MAGI1: variants seen among roughly 807,000 people sequenced by gnomAD.
The protein encoded by MAGI1 is membrane associated guanylate kinase, WW and PDZ domain containing 1.
Under a neutral mutation model 139.9 loss-of-function variants are expected in MAGI1, and 58 were observed. The observed-to-expected ratio is 0.41, with a 90% CI of 0.34 to 0.52. The LOEUF is 0.52. Ranked by LOEUF, MAGI1 falls within the 20% of genes least tolerant of loss-of-function variation. The pLI, the probability that MAGI1 is intolerant of heterozygous loss-of-function variation, is 0.12. For synonymous variants in MAGI1, 812 were observed against 737.9 expected (o/e 1.10, Z -1.63); for missense variants, 1,874 against 1,901.6 (o/e 0.99, Z 0.27).
intron 1 of MAGI1, chr3:65,874,751 C>G (rs1488329943): frequency 6.6e-6 from 1 of 152,182 alleles, no homozygotes; most frequent in Admixed American, 6.5e-5. Context: ...ATTCCATTCC[C>G]AGGTATGTAC....
chr3:65,493,386 T>C, intron 3 of MAGI1, 126 bp downstream of exon 3: 1 of 1,040,692 alleles, frequency 9.6e-7, no homozygotes, highest in Non-Finnish European at 1.4e-6. Flanking sequence ...CATATTAAGG[T>C]GAACTGAAAT....
intron 1 of MAGI1, among the ~76,000 whole-genome samples, chr3:65,934,735 T>C (rs1207779335): frequency 1.3e-5 from 2 of 151,644 alleles, no homozygotes; most frequent in African/African-American, 4.8e-5. Context: ...CATTTAATGG[T>C]GCCAGATTGT....
intron 1 of MAGI1, among the ~76,000 whole-genome samples, chr3:66,010,067 C>T (rs1467665977): frequency 1.1e-5 from 1 of 90,732 alleles, no homozygotes; most frequent in Non-Finnish European, 2.0e-5. Context: ...CAAAGTGATA[C>T]TCTCTGTCTC....
intron 12 of MAGI1, among the ~76,000 whole-genome samples, chr3:65,413,944 A>T (rs1056675860): frequency 3.9e-5 from 6 of 152,164 alleles, no homozygotes; most frequent in African/African-American, 1.4e-4. Flanking sequence ...ATGGCAGGGA[A>T]GAGTAAGTAC....
intron 6 of MAGI1, among the ~76,000 whole-genome samples, chr3:65,450,339 G>A (rs1559563703): frequency 6.6e-6 from 1 of 152,120 alleles, no homozygotes. Context: ...TATGGGAGAT[G>A]AGCATGATCC....
Position 65,979,837 on chromosome 3 carries a change from A to G in MAGI1, c.313+58159T>C, listed in dbSNP as rs139156046. Among the ~76,000 whole-genome samples the G allele has an allele frequency of 2.4e-3, 359 of 152,312 alleles. 1 individual carries two copies. Among genetic ancestry groups the G allele is most frequent in the African/African-American group, 8.2e-3 (340 of 41,556 alleles). On this transcript the variant is annotated intron_variant, in intron 1 of 22. Transcript: ENST00000402939. ...CCAGGCCAAGAGACCAAAAATTCAGAATCAGTCTTCTCAATAAACTGTGAG... is the reference window on the plus strand; with the variant it reads ...CCAGGCCAAGAGACCAAAAATTCAGGATCAGTCTTCTCAATAAACTGTGAG...
At chr3:65,946,837 A>C (rs183972236) in intron 1 of MAGI1, among the ~76,000 whole-genome samples, 116 of 152,340 alleles carry the variant, frequency 7.6e-4, no homozygotes, top group Middle Eastern at 6.8e-3. Context: ...CAGAGTAAGA[A>C]AATATAGGAA....
At chr3:65,980,180 T>C (rs766665135) in intron 1 of MAGI1, among the ~76,000 whole-genome samples, 2 of 152,194 alleles carry the variant, frequency 1.3e-5, no homozygotes, top group East Asian at 1.9e-4. Flanking sequence ...TGCCCCTTAT[T>C]AGCTGTGTGA....
intron 1 of MAGI1, among the ~76,000 whole-genome samples, chr3:65,636,506 T>C (rs192465627): frequency 2.6e-4 from 40 of 152,308 alleles, no homozygotes; most frequent in African/African-American, 8.7e-4. Context: ...ACTGGCCATA[T>C]GCCAATCTTG....
intron 1 of MAGI1, among the ~76,000 whole-genome samples, chr3:65,870,100 G>C (rs186990946): frequency 1.3e-5 from 2 of 152,126 alleles, no homozygotes; most frequent in Non-Finnish European, 2.9e-5. Flanking sequence ...TGTTCTACAC[G>C]GATGCTGAGC....
intron 1 of MAGI1, among the ~76,000 whole-genome samples, chr3:65,819,014 A>G (rs1846530): frequency 0.16 from 24,666 of 152,222 alleles, 2,841 homozygotes; most frequent in South Asian, 0.31. Context: ...GTCCAGGAAC[A>G]GTGGCTCATG....
chr3:65,629,754 A>T (rs1235792551), intron 1 of MAGI1, among the ~76,000 whole-genome samples: 1 of 152,088 alleles, frequency 6.6e-6, no homozygotes, highest in East Asian at 1.9e-4. Context: ...ATTTTTCTAT[A>T]TTTTTTTCTT....
rs571243906 is a variant in MAGI1, at chr3:65,356,718, G to A, written c.4049C>T (p.Ser1350Phe). 6.3e-7 allele frequency: 1 copy of A among 1,593,444 alleles called. No individual in the cohort carries two copies. The change falls in exon 23 of 23, where the codon TCT becomes TTT. Residue 1350 changes from serine (S) to phenylalanine (F), a missense_variant. Around this residue, in one of 5 missense-constraint regions of MAGI1, gnomAD observed 653 missense variants for 644.5 expected, o/e 1.01. Transcript: ENST00000402939. Reference sequence around the variant, plus strand: ...TGACCGCTCTCGCCTCCGCTCCGGAGAGACGTCTCGTCTCTTCTCGTGCTT... The same window carrying A: ...TGACCGCTCTCGCCTCCGCTCCGGAAAGACGTCTCGTCTCTTCTCGTGCTT... ...REKHEKRRDV[S>F]PERRRERSPT... is the part of the protein sequence containing the mutation.
chr3:66,026,445 ATC>A (rs2107575948), intron 1 of MAGI1, among the ~76,000 whole-genome samples: 2 of 152,088 alleles, frequency 1.3e-5, no homozygotes, highest in African/African-American at 4.8e-5. Flanking sequence ...AGCCAACAAG[ATC>A]TCAGACAATT....
chr3:65,793,152 G>A (rs1340844760), intron 1 of MAGI1, among the ~76,000 whole-genome samples: 1 of 152,212 alleles, frequency 6.6e-6, no homozygotes, highest in African/African-American at 2.4e-5. Flanking sequence ...GATGTTGGAA[G>A]GCACAAGGAA....
At chr3:65,425,064 T>C (rs1241996861) in intron 12 of MAGI1, among the ~76,000 whole-genome samples, 1 of 130,694 alleles carries the variant, frequency 7.7e-6, no homozygotes, top group Non-Finnish European at 1.6e-5. Flanking sequence ...AGCAGGACCC[T>C]GTATCAAGAG....
intron 2 of MAGI1, among the ~76,000 whole-genome samples, chr3:65,584,934 C>A (rs984322311): frequency 6.6e-6 from 1 of 152,150 alleles, no homozygotes; most frequent in Admixed American, 6.5e-5. Flanking sequence ...CATTCAGGGA[C>A]CTTCATATCC....
chr3:65,886,116 C>T (rs771866882), intron 1 of MAGI1, among the ~76,000 whole-genome samples: 2 of 152,168 alleles, frequency 1.3e-5, no homozygotes, highest in Non-Finnish European at 2.9e-5. Context: ...TGTAATGGGC[C>T]AACCTTTCAT....
intron 1 of MAGI1, among the ~76,000 whole-genome samples, chr3:65,933,694 T>G (rs943491284): frequency 1.3e-5 from 2 of 152,198 alleles, no homozygotes; most frequent in Non-Finnish European, 2.9e-5. Context: ...TAGATTAGGA[T>G]AGATACTCCT....
Sources: gnomAD v4.1 joint callset for allele counts (sites outside exome capture counted in the v4.1 genomes callset) on GRCh38, gnomAD v4.1.1 for gene constraint, gnomAD v4.1.1 regional missense constraint, MANE v1.5 for transcripts, NCBI Gene and HGNC (gene_info 2026-07-23, HGNC 2026-07-21) for gene names.